TRNAU1AP: variants seen among roughly 807,000 people sequenced by gnomAD.
TRNAU1AP encodes tRNA selenocysteine 1-associated protein 1.
Under a neutral mutation model 43.3 loss-of-function variants are expected in TRNAU1AP, and 33 were observed. That is an observed-to-expected ratio of 0.76 (90% CI 0.58 to 1.02). The LOEUF is 1.02. TRNAU1AP is among the 50% of genes least tolerant of loss of function. The pLI is 0.00. For synonymous variants in TRNAU1AP, 143 were observed against 129.1 expected (o/e 1.11, Z -0.73); for missense variants, 290 against 362.7 (o/e 0.80, Z 1.63).
intron 6 of TRNAU1AP, among the ~76,000 whole-genome samples, chr1:28,568,157 C>A (rs1164506898): frequency 6.6e-6 from 1 of 152,132 alleles, no homozygotes; most frequent in Non-Finnish European, 1.5e-5. Context: ...GAGCAAGACT[C>A]CGTCTCAAAT....
chr1:28,571,307 C>T lies in TRNAU1AP; in HGVS notation c.662C>T (p.Pro221Leu), dbSNP rs763932654. Residue 221 changes from proline to leucine, a missense_variant, in exon 7 of 9, where the codon CCC (proline) becomes CTC (leucine). Physicochemically the swap from Pro to Leu is moderately conservative, Grantham distance 98 (BLOSUM62 -3). This residue lies in a region of TRNAU1AP where 174 missense variants were observed against 262.1 expected (regional missense o/e 0.66). Transcript: ENST00000373830. ...QNTGSYSYSY[P>L]QYGYTQSTMQ... Reference sequence around the variant, plus strand: ...ACAGGCAGCTACAGCTACAGTTACCCCCAGTATGGCTATACCCAGAGCACC... The same window carrying T: ...ACAGGCAGCTACAGCTACAGTTACCTCCAGTATGGCTATACCCAGAGCACC... 2 of 1,613,952 alleles carry T rather than the reference C, an allele frequency of 1.2e-6. No individual in the cohort carries two copies. Among genetic ancestry groups the T allele is most frequent in the Non-Finnish European group, 1.7e-6 (2 of 1,179,890 alleles).
chr1:28,576,157 T>TG (rs1464017559), intron 8 of TRNAU1AP, among the ~76,000 whole-genome samples: 1 of 75,932 alleles, frequency 1.3e-5, no homozygotes, highest in Non-Finnish European at 3.1e-5. Context: ...CAGTGCCCAG[T>TG]TTTTTTTTTT....
At position 28,563,552 on chromosome 1, in the gene TRNAU1AP, C is replaced by T. The variant is rs528222251; in HGVS notation, c.279-1151C>T. Among the ~76,000 whole-genome samples the T allele has an allele frequency of 1.3e-3, 200 of 152,092 alleles. 1 individual carries two copies. The highest frequency in any genetic ancestry group is 2.4e-3 in the Non-Finnish European group (166 of 67,992). On this transcript the variant is annotated intron_variant, in intron 4 of 8. Coordinates refer to ENST00000373830, the MANE Select transcript of TRNAU1AP (RefSeq NM_017846.5). ...ACAAAAAATTAGTTGGGCGTAGTGG[C>T]GGGCACCTGTAATCCCAGCTACTCA...
intron 5 of TRNAU1AP, among the ~76,000 whole-genome samples, chr1:28,566,054 C>T (rs1025184262): frequency 3.3e-5 from 5 of 152,146 alleles, no homozygotes; most frequent in Non-Finnish European, 5.9e-5. Flanking sequence ...CGGTGGCTCA[C>T]GCCTGTAATC....
chr1:28,556,509 CTTT>C (rs1158772133), intron 2 of TRNAU1AP, among the ~76,000 whole-genome samples: 6 of 129,880 alleles, frequency 4.6e-5, no homozygotes, highest in Admixed American at 7.7e-5. Context: ...ACATTTTAAT[CTTT>C]TTTTTTTTTT....
At chr1:28,573,541 G>A (rs1193664805) in intron 8 of TRNAU1AP, among the ~76,000 whole-genome samples, 1 of 151,846 alleles carries the variant, frequency 6.6e-6, no homozygotes, top group African/African-American at 2.4e-5. Context: ...GGGAAGCCAC[G>A]GCGGGAGGAT....
In TRNAU1AP at chr1:28,564,093, C is replaced by G. The variant is rs960636866; in HGVS notation, c.279-610C>G. On this transcript the variant is annotated intron_variant, in intron 4 of 8. Transcript: ENST00000373830. ...CAGCGTGGCCAACTTGGCGAAACCC[C>G]GTCTCTGCTAAAAATACAAAAGATT... Among the ~76,000 whole-genome samples, 8 of 152,070 alleles carry G rather than the reference C, an allele frequency of 5.3e-5. No homozygotes were observed. In the South Asian group the frequency reaches 1.4e-3, roughly 28 times the overall value.
rs1244122678 is a variant in TRNAU1AP, at chr1:28,577,579, G to C, written c.807G>C (p.Met269Ile). Residue 269 changes from methionine (M) to isoleucine (I), a missense_variant, in exon 9 of 9, where the codon ATG (methionine) becomes ATC (isoleucine). Physicochemically the swap from Met to Ile is conservative, Grantham distance 10 (BLOSUM62 1). This residue lies in a region of TRNAU1AP where 57 missense variants were observed against 55.1 expected (regional missense o/e 1.03). Coordinates refer to ENST00000373830, the MANE Select transcript of TRNAU1AP (RefSeq NM_017846.5). ...EQSEELYDAL[M>I]DCHWQPLDTV... Reference sequence around the variant, plus strand: ...GTGAGGAGCTGTATGACGCTCTGATGGACTGTCACTGGCAGCCCCTGGACA... The same window carrying C: ...GTGAGGAGCTGTATGACGCTCTGATCGACTGTCACTGGCAGCCCCTGGACA... The C allele has an allele frequency of 6.2e-7, 1 of 1,614,116 alleles. No homozygotes were observed. Among genetic ancestry groups the C allele is most frequent in the South Asian group, 1.1e-5 (1 of 91,070 alleles).
intron 3 of TRNAU1AP, chr1:28,560,949 C>T (rs1247403415): frequency 1.0e-6 from 1 of 969,940 alleles, no homozygotes; most frequent in Non-Finnish European, 1.4e-6. Context: ...AGGATTCAGA[C>T]TGAAGATTGG....
intron 4 of TRNAU1AP, among the ~76,000 whole-genome samples, chr1:28,561,883 T>C (rs571884199): frequency 5.0e-4 from 76 of 152,180 alleles, no homozygotes; most frequent in Non-Finnish European, 9.1e-4. Flanking sequence ...CCATCCTGGC[T>C]AACACGGTGA....
At chr1:28,553,812 A>G in intron 2 of TRNAU1AP, 75 bp downstream of exon 2, 1 of 1,313,130 alleles carries the variant, frequency 7.6e-7, no homozygotes, top group South Asian at 1.2e-5. Context: ...CATCGTAGTC[A>G]TGGCTTCTCA....
At chr1:28,560,383 G>A (rs1024116549) in intron 2 of TRNAU1AP, among the ~76,000 whole-genome samples, 4 of 150,904 alleles carry the variant, frequency 2.7e-5, no homozygotes, top group Non-Finnish European at 5.9e-5. Flanking sequence ...CTGGGTTACA[G>A]CAATTCTCCC....
At chr1:28,573,553 A>C (rs933264502) in intron 8 of TRNAU1AP, among the ~76,000 whole-genome samples, 5 of 151,810 alleles carry the variant, frequency 3.3e-5, no homozygotes, top group Non-Finnish European at 7.4e-5. Flanking sequence ...CGGGAGGATC[A>C]CCTAAGGTCG....
intron 1 of TRNAU1AP, chr1:28,553,396 G>T: frequency 1.6e-6 from 1 of 624,856 alleles, no homozygotes; most frequent in Non-Finnish European, 2.9e-6. Context: ...AGCAATCCAA[G>T]GACTGAGGCG....
At chr1:28,561,565 C>T (rs1570249294) in intron 4 of TRNAU1AP, among the ~76,000 whole-genome samples, 167 bp downstream of exon 4, 1 of 152,210 alleles carries the variant, frequency 6.6e-6, no homozygotes, top group South Asian at 2.1e-4. Flanking sequence ...ATGCAAGACC[C>T]TGGCTTTTCT....
At chr1:28,569,376 C>T (rs1328797898) in intron 6 of TRNAU1AP, among the ~76,000 whole-genome samples, 1 of 152,026 alleles carries the variant, frequency 6.6e-6, no homozygotes, top group African/African-American at 2.4e-5. Flanking sequence ...GCCCAGGCAA[C>T]AGAGTGAGAC....
intron 1 of TRNAU1AP, 83 bp from the exon 2 acceptor site, chr1:28,553,557 T>G: frequency 7.4e-7 from 1 of 1,357,250 alleles, no homozygotes; most frequent in Non-Finnish European, 1.0e-6. Context: ...TAGCCAGCCC[T>G]GGGCTGAACG....
At chr1:28,558,786 C>G (rs1665337209) in intron 2 of TRNAU1AP, among the ~76,000 whole-genome samples, 1 of 151,684 alleles carries the variant, frequency 6.6e-6, no homozygotes. Context: ...AGTATGGTCT[C>G]AGTCTCCTGA....
intron 2 of TRNAU1AP, among the ~76,000 whole-genome samples, chr1:28,557,469 C>CTTT (rs753718490): frequency 1.5e-4 from 18 of 118,158 alleles, no homozygotes; most frequent in Middle Eastern, 3.8e-3. Context: ...TTACATGTTT[C>CTTT]TTTTTTTTTT....
Sources: allele counts gnomAD v4.1 joint callset (sites outside exome capture counted in the v4.1 genomes callset), GRCh38; gene constraint gnomAD v4.1.1; regional missense constraint gnomAD v4.1.1; transcripts MANE v1.5; gene names NCBI Gene and HGNC (gene_info 2026-07-23, HGNC 2026-07-21).